The following SPATA6 variants were observed in gnomAD, a reference collection of about 807,000 sequenced individuals.
SPATA6 encodes the protein spermatogenesis associated 6.
A neutral mutation model predicts 65.3 loss-of-function variants in SPATA6; 56 were observed. The observed-to-expected ratio is 0.86, with a 90% CI of 0.69 to 1.07. SPATA6 has a LOEUF of 1.07. Ranked by LOEUF, SPATA6 falls within the 50% of genes least tolerant of loss-of-function variation. The pLI, the probability that SPATA6 is intolerant of heterozygous loss-of-function variation, is 0.00. For missense variants in SPATA6, 590 were observed against 594.8 expected (o/e 0.99, Z 0.08); for synonymous variants, 199 against 213.2 (o/e 0.93, Z 0.58).
At chr1:48,278,837 A>G in the SPATA6 span, among the ~76,000 whole-genome samples, 1 of 152,214 alleles carries the variant, frequency 6.6e-6, no homozygotes, top group African/African-American at 2.4e-5. Context: ...GAAACGCCAC[A>G]AAGATACTCC....
In SPATA6 at chr1:48,464,341, T is replaced by C. The variant is rs552498889; in HGVS notation, c.51+7617A>G. On this transcript the variant is annotated intron_variant, in intron 1 of 12. Coordinates refer to ENST00000371847, the MANE Select transcript of SPATA6 (RefSeq NM_019073.4). ...AACAAAACAAAACAAAACAAAGGAT[T>C]GTACTGCAAAAGTCAAAACTGTCTA... Among the ~76,000 whole-genome samples the C allele has an allele frequency of 1.7e-3, 256 of 152,072 alleles. 2 individuals carry two copies. The highest frequency in any genetic ancestry group is 6.0e-3 in the African/African-American group (249 of 41,504).
chr1:48,455,533 A>C (rs1444442753), intron 1 of SPATA6, among the ~76,000 whole-genome samples: 1 of 151,924 alleles, frequency 6.6e-6, no homozygotes, highest in Non-Finnish European at 1.5e-5. Context: ...GGCACCCGCC[A>C]CCACACCAGG....
chr1:48,387,750 C>G (rs542471463), intron 8 of SPATA6, among the ~76,000 whole-genome samples: 2 of 152,278 alleles, frequency 1.3e-5, no homozygotes, highest in South Asian at 4.1e-4. Flanking sequence ...AACGCTCCTC[C>G]CCAGGGAATG....
At chr1:48,396,822 A>G (rs1393143283) in intron 7 of SPATA6, among the ~76,000 whole-genome samples, 1 of 151,664 alleles carries the variant, frequency 6.6e-6, no homozygotes, top group Non-Finnish European at 1.5e-5. Context: ...AGCAAGATGA[A>G]AAAAGTTCTA....
chr1:48,413,622 A>T (rs1034674082), intron 3 of SPATA6, among the ~76,000 whole-genome samples: 2 of 152,004 alleles, frequency 1.3e-5, no homozygotes, highest in African/African-American at 2.4e-5. Flanking sequence ...TTTTATAAAT[A>T]TAAGTTATGT....
At chr1:48,385,833 T>C (rs747481262) in intron 8 of SPATA6, among the ~76,000 whole-genome samples, 10 of 152,200 alleles carry the variant, frequency 6.6e-5, no homozygotes, top group Admixed American at 6.5e-5. Flanking sequence ...ATCTGCATTA[T>C]ACATTCCAGG....
chr1:48,411,887 G>T (rs2147983259), intron 4 of SPATA6, among the ~76,000 whole-genome samples: 1 of 151,104 alleles, frequency 6.6e-6, no homozygotes, highest in East Asian at 1.9e-4. Context: ...TTTTGAGATG[G>T]AGTTTCACTC....
At chr1:48,309,971 TC>T (rs935338808) in intron 11 of SPATA6, among the ~76,000 whole-genome samples, 2 of 152,184 alleles carry the variant, frequency 1.3e-5, no homozygotes, top group African/African-American at 4.8e-5. Context: ...CTAAGGGCCT[TC>T]TTGTCTTTTC....
At chr1:48,318,635 A>T (rs1457695413) in intron 11 of SPATA6, among the ~76,000 whole-genome samples, 1 of 152,192 alleles carries the variant, frequency 6.6e-6, no homozygotes, top group Non-Finnish European at 1.5e-5. Context: ...ATAAATTTTT[A>T]AAGTGCTATC....
intron 3 of SPATA6, chr1:48,436,517 G>T: frequency 6.2e-7 from 1 of 1,611,870 alleles, no homozygotes; most frequent in South Asian, 1.1e-5. Context: ...ATTCACAGGA[G>T]TATTAAAGCC....
intron 11 of SPATA6, among the ~76,000 whole-genome samples, chr1:48,329,315 T>C (rs574315290): frequency 6.6e-6 from 1 of 152,308 alleles, no homozygotes; most frequent in South Asian, 2.1e-4. Context: ...CTTAAATGTA[T>C]AGATTAGAAA....
chr1:48,369,321 T>G (rs1647150793), intron 9 of SPATA6, among the ~76,000 whole-genome samples: 1 of 152,198 alleles, frequency 6.6e-6, no homozygotes, highest in Non-Finnish European at 1.5e-5. Flanking sequence ...TTCAAAGCTG[T>G]CAGACAGGGA....
chr1:48,418,664 C>T (rs2148009842), intron 3 of SPATA6, among the ~76,000 whole-genome samples: 1 of 149,390 alleles, frequency 6.7e-6, no homozygotes, highest in Non-Finnish European at 1.5e-5. Flanking sequence ...GCAGAGGTCA[C>T]AGTGAGCTGA....
At chr1:48,307,348 A>T (rs964234090) in intron 11 of SPATA6, among the ~76,000 whole-genome samples, 1 of 147,918 alleles carries the variant, frequency 6.8e-6, no homozygotes, top group African/African-American at 2.4e-5. Flanking sequence ...GTGATATTTT[A>T]TATATATATA....
At chr1:48,284,507 G>A in the SPATA6 span, among the ~76,000 whole-genome samples, 3 of 152,158 alleles carry the variant, frequency 2.0e-5, no homozygotes, top group South Asian at 6.2e-4. Context: ...AAGATAAGAG[G>A]CATTCTGGTT....
intron 1 of SPATA6, among the ~76,000 whole-genome samples, chr1:48,457,288 T>G (rs1013578055): frequency 1.3e-5 from 2 of 151,688 alleles, no homozygotes; most frequent in Non-Finnish European, 2.9e-5. Flanking sequence ...AAAAATTAGC[T>G]GGGCATGGTG....
intron 6 of SPATA6, chr1:48,402,623 AT>A (rs1410832036): frequency 5.3e-5 from 8 of 152,188 alleles, no homozygotes; most frequent in Non-Finnish European, 1.2e-4. Context: ...ATAATTCTAT[AT>A]TTTACCTTTC....
chr1:48,437,911 C>A (rs1397816447), intron 3 of SPATA6, among the ~76,000 whole-genome samples: 7 of 142,594 alleles, frequency 4.9e-5, no homozygotes, highest in African/African-American at 1.0e-4. Flanking sequence ...AAAAAAAAAA[C>A]ACACCAATCA....
At chr1:48,344,612 G>A (rs1646311671) in intron 11 of SPATA6, among the ~76,000 whole-genome samples, 3 of 152,240 alleles carry the variant, frequency 2.0e-5, no homozygotes, top group Admixed American at 6.6e-5. Flanking sequence ...AGACTTGTTG[G>A]TATGCTGTCT....
Sources: gnomAD v4.1 joint callset for allele counts (sites outside exome capture counted in the v4.1 genomes callset) on GRCh38, gnomAD v4.1.1 for gene constraint, MANE v1.5 for transcripts, NCBI Gene and HGNC (gene_info 2026-07-23, HGNC 2026-07-21) for gene names.